The following GLIS2 variants were observed in gnomAD, a reference collection of about 807,000 sequenced individuals.
GLIS2 encodes the protein GLIS family zinc finger 2.
In GLIS2, 14 loss-of-function variants were observed where a neutral mutation model predicts 35.6. The observed-to-expected ratio is 0.39, with a 90% confidence interval of 0.26 to 0.61. GLIS2 has a LOEUF of 0.61. Among genes scored for constraint, GLIS2 ranks in the 20% least tolerant of loss-of-function variants. The pLI, the probability that GLIS2 is intolerant of heterozygous loss-of-function variation, is 0.48. For synonymous variants in GLIS2, 368 were observed against 325.1 expected (o/e 1.13, Z -1.42); for missense variants, 675 against 713.4 (o/e 0.95, Z 0.61).
chr16:4,335,915 G>C lies in GLIS2; in HGVS notation c.775+522G>C, dbSNP rs2053546447. 5.5e-6 allele frequency: 1 copy of C among 183,070 alleles called. No individual in the cohort carries two copies. Among genetic ancestry groups the C allele is most frequent in the African/African-American group, 2.4e-5 (1 of 42,124 alleles). The allele number at this position is 183,070 out of a possible 1,614,324, so 11.3% of individuals were successfully genotyped here. ...TTTCATGACAAAGCCTCAAGGAGCT[G>C]ATGTGTATGTTTTTTCCTGGTGTTT... is the stretch of plus-strand genomic sequence containing the variant. On this transcript the variant is annotated intron_variant, in intron 6 of 6. Coordinates refer to ENST00000433375, the MANE Select transcript of GLIS2 (RefSeq NM_032575.3). The surrounding 1 kb of genome is among the most constrained non-coding windows in gnomAD (Gnocchi z 4.6).
chr16:4,335,181 G>A lies in GLIS2; in HGVS notation c.644G>A (p.Gly215Asp), dbSNP rs771595358. ...GAGGGCTGCGCCCGCCATGGCCGAG[G>A]TTTCAACGCCAGGTGAGGTGGGGGA... ...HWEGCARHGR[G>D]FNARYKMLIH... The change falls in exon 5 of 7, where the codon GGT (glycine) becomes GAT (aspartate). Residue 215 changes from glycine (G) to aspartate (D), a missense_variant. Gly to Asp is a moderately conservative substitution (Grantham distance 94). Coordinates refer to ENST00000433375, the MANE Select transcript of GLIS2 (RefSeq NM_032575.3). This position sits in a 1 kb window ranked among gnomAD's most constrained non-coding sequence, Gnocchi z 4.6. The A allele has an allele frequency of 4.3e-6, 7 of 1,613,538 alleles. No homozygotes were observed. Among genetic ancestry groups the A allele is most frequent in the African/African-American group, 1.3e-5 (1 of 75,054 alleles).
rs933552494 is a variant in GLIS2 at position 4,316,305 on chromosome 16, G to A, written c.-67+51G>A. ...CGTGGGGACCGGGCCGGGGCGGGGG[G>A]GGGGGGGCCCGCCTGTCGCGCCGGG... On this transcript the variant is annotated intron_variant, in intron 1 of 6. Coordinates refer to ENST00000433375, the MANE Select transcript of GLIS2 (RefSeq NM_032575.3). 6.3e-5 allele frequency among the ~76,000 whole-genome samples: 9 copies of A among 143,974 alleles called. No homozygotes were observed. In the East Asian group the frequency reaches 1.5e-3, roughly 24 times the overall value. The allele number at this position is 143,974 out of a possible 152,430, so 94.5% of individuals were successfully genotyped here. A position where few individuals can be genotyped will look rare whatever the true frequency, so the allele number is the denominator to read the frequency against.
chr16:4,315,825 C>G (rs978165653), upstream of GLIS2, among the ~76,000 whole-genome samples: 10 of 150,744 alleles, frequency 6.6e-5, no homozygotes, highest in African/African-American at 2.4e-4. Flanking sequence ...CGCCCCCTCC[C>G]CCGACGCGCA....
At chr16:4,326,347 C>A (rs1017700720) in intron 1 of GLIS2, 1 of 152,258 alleles carries the variant, frequency 6.6e-6, no homozygotes, top group African/African-American at 2.4e-5. Context: ...CCACTGCTGA[C>A]CAAAAGCGCA....
At chr16:4,319,489 G>A (rs925981757) in intron 1 of GLIS2, among the ~76,000 whole-genome samples, 1 of 152,162 alleles carries the variant, frequency 6.6e-6, no homozygotes, top group Non-Finnish European at 1.5e-5. Flanking sequence ...TGTATCTGGG[G>A]GTTCACGTCT....
chr16:4,324,129 C>T (rs907918673), intron 1 of GLIS2, among the ~76,000 whole-genome samples: 18 of 152,312 alleles, frequency 1.2e-4, no homozygotes, highest in African/African-American at 1.4e-4. Context: ...GTTCCCACCC[C>T]GGGAGGGGGT....
intron 1 of GLIS2, among the ~76,000 whole-genome samples, chr16:4,319,771 T>C (rs753753856): frequency 1.3e-5 from 2 of 152,128 alleles, no homozygotes; most frequent in African/African-American, 2.4e-5. Context: ...TGGCAGGGTC[T>C]GCAGGGCACA....
rs1311255338 is a variant in GLIS2, at chr16:4,337,068, C to A, written c.1119C>A (p.Pro373=). The A allele has an allele frequency of 7.8e-6, 12 of 1,545,756 alleles. No individual in the cohort carries two copies. The highest frequency in any genetic ancestry group is 1.0e-5 in the Non-Finnish European group (12 of 1,150,886). The change falls in exon 7 of 7, where the codon CCC becomes CCA. Residue 373 remains proline (P), a synonymous_variant. Transcript: ENST00000433375. ...GGPGLPGLPL[P]LAPGPLDLSA... is the part of the protein sequence containing the mutation. Reference sequence around the variant, plus strand: ...CTGGCCTGCCCGGCTTACCCCTACCCCTGGCCCCCGGCCCCCTTGACCTCA... The same window carrying A: ...CTGGCCTGCCCGGCTTACCCCTACCACTGGCCCCCGGCCCCCTTGACCTCA...
Position 4,335,001 on chromosome 16 carries a change from G to C in GLIS2, c.522+24G>C. On this transcript the variant is annotated intron_variant, in intron 4 of 6. Transcript: ENST00000433375. The surrounding 1 kb of genome is among the most constrained non-coding windows in gnomAD (Gnocchi z 4.6). Reference sequence around the variant, plus strand: ...AGGTGAGTGGGGGCCAGCAAGAGTAGTGTGGAGTCTGGGGCAGGTCACCCC... The same window carrying C: ...AGGTGAGTGGGGGCCAGCAAGAGTACTGTGGAGTCTGGGGCAGGTCACCCC... 1 of 1,613,308 alleles carries C rather than the reference G, an allele frequency of 6.2e-7. No individual in the cohort carries two copies. The highest frequency in any genetic ancestry group is 1.1e-5 in the South Asian group (1 of 91,088).
intron 3 of GLIS2, among the ~76,000 whole-genome samples, chr16:4,334,238 C>CT (rs781643023): frequency 0.03 from 3,574 of 120,336 alleles, 176 homozygotes; most frequent in African/African-American, 0.099. Flanking sequence ...TGTGCCCGGC[C>CT]TTTTTTTTTT....
chr16:4,335,481 T>A lies in GLIS2; in HGVS notation c.775+88T>A. ...CAGGTCCCCAGGGGGAGGGGACTGT[T>A]AAGTAAATCCCGGGCCTCAGAGATA... On this transcript the variant is annotated intron_variant, in intron 6 of 6. Transcript: ENST00000433375. The surrounding 1 kb of genome is among the most constrained non-coding windows in gnomAD (Gnocchi z 4.6). 1.7e-6 allele frequency: 2 copies of A among 1,164,910 alleles called. No homozygotes were observed. Among genetic ancestry groups the A allele is most frequent in the Non-Finnish European group, 2.6e-6 (2 of 780,174 alleles). 72.2% of individuals were successfully genotyped at this position (1,164,910 alleles called of 1,614,324 possible). A position where few individuals can be genotyped will look rare whatever the true frequency, so the allele number is the denominator to read the frequency against.
chr16:4,321,450 T>G (rs1463368928), intron 1 of GLIS2, among the ~76,000 whole-genome samples: 1 of 152,234 alleles, frequency 6.6e-6, no homozygotes, highest in Non-Finnish European at 1.5e-5. Flanking sequence ...AATGAATACA[T>G]GAATGAGACG....
chr16:4,323,279 G>GC (rs2053396423), intron 1 of GLIS2, among the ~76,000 whole-genome samples: 1 of 152,194 alleles, frequency 6.6e-6, no homozygotes, highest in Non-Finnish European at 1.5e-5. Flanking sequence ...AGGGCCCAGT[G>GC]CTCTGGTCCC....
intron 1 of GLIS2, among the ~76,000 whole-genome samples, chr16:4,330,029 C>A (rs1481565009): frequency 6.6e-6 from 1 of 152,146 alleles, no homozygotes; most frequent in Non-Finnish European, 1.5e-5. Flanking sequence ...GTAATCACAG[C>A]ACTTTGGGAG....
rs1028214400 is a variant in GLIS2 at position 4,331,819 on chromosome 16, C to A, written c.-66-396C>A. On this transcript the variant is annotated intron_variant, in intron 1 of 6. Transcript: ENST00000433375. ...TTTTTTTAATTAGCCAGGAGCGGTG[C>A]CTGCCTGTAGTCCCAGCTACCAGGG... is the stretch of plus-strand genomic sequence containing the variant. The A allele has an allele frequency of 7.2e-5, 17 of 235,722 alleles. No homozygotes were observed. In the East Asian group the frequency reaches 1.5e-3, roughly 20 times the overall value. 14.6% of individuals were successfully genotyped at this position (235,722 alleles called of 1,614,324 possible).
In GLIS2 at chr16:4,337,625, C is replaced by T. The variant is rs868284093; in HGVS notation, c.*101C>T. Reference sequence around the variant, plus strand: ...GAAATAGCAATAATGTCCTACTGCCCGGGCAGCCCCAGCCCAGCCCGCCGG... The same window carrying T: ...GAAATAGCAATAATGTCCTACTGCCTGGGCAGCCCCAGCCCAGCCCGCCGG... On this transcript the variant is annotated 3_prime_UTR_variant, in exon 7 of 7. Transcript: ENST00000433375. 6.0e-6 allele frequency: 9 copies of T among 1,496,962 alleles called. No individual in the cohort carries two copies. Among genetic ancestry groups the T allele is most frequent in the Middle Eastern group, 2.3e-4 (1 of 4,422 alleles). 92.7% of individuals were successfully genotyped at this position (1,496,962 alleles called of 1,614,324 possible). A position where few individuals can be genotyped will look rare whatever the true frequency, so the allele number is the denominator to read the frequency against.
chr16:4,325,031 G>T (rs2053415876), intron 1 of GLIS2, among the ~76,000 whole-genome samples: 1 of 152,202 alleles, frequency 6.6e-6, no homozygotes, highest in Non-Finnish European at 1.5e-5. Context: ...CCAGAGCAGG[G>T]AGCCGCAGCT....
rs750314209 is a variant in GLIS2, at chr16:4,333,388, C to G, written c.214C>G (p.Arg72Gly). 1 of 1,613,100 alleles carries G rather than the reference C, an allele frequency of 6.2e-7. No homozygotes were observed. Among genetic ancestry groups the G allele is most frequent in the Non-Finnish European group, 8.5e-7 (1 of 1,180,006 alleles). The change falls in exon 3 of 7, where the codon CGC (arginine) becomes GGC (glycine). Residue 72 changes from arginine to glycine, a missense_variant. Arg to Gly is a moderately radical substitution (Grantham distance 125, BLOSUM62 -2). Coordinates refer to ENST00000433375, the MANE Select transcript of GLIS2 (RefSeq NM_032575.3). ...NSKFPEKVEGRFSAAPLVDLS... is the reference protein window; with the variant it reads ...NSKFPEKVEGGFSAAPLVDLS... Reference sequence around the variant, plus strand: ...CAAGTTCCCCGAGAAGGTGGAGGGACGCTTTTCAGCAGCCCCTCTCGTGGA... The same window carrying G: ...CAAGTTCCCCGAGAAGGTGGAGGGAGGCTTTTCAGCAGCCCCTCTCGTGGA...
chr16:4,338,804 G>T lies in GLIS2; in HGVS notation c.*1280G>T, dbSNP rs2053590612. 2 of 152,306 alleles carry T rather than the reference G, an allele frequency of 1.3e-5. No individual in the cohort carries two copies. The highest frequency in any genetic ancestry group is 2.9e-5 in the Non-Finnish European group (2 of 68,078). 9.4% of individuals were successfully genotyped at this position (152,306 alleles called of 1,614,324 possible). A position where few individuals can be genotyped will look rare whatever the true frequency, so the allele number is the denominator to read the frequency against. The stretch of plus-strand genomic sequence containing the variant: ...TAAGGGTGGTGCTGGAGGGCCTTGT[G>T]CCCCAGTCCCATCCCAGGACGCCCT... On this transcript the variant is annotated 3_prime_UTR_variant, in exon 7 of 7. Transcript: ENST00000433375.
Sources: allele counts gnomAD v4.1 joint callset (sites outside exome capture counted in the v4.1 genomes callset), GRCh38; gene constraint gnomAD v4.1.1; non-coding constraint Gnocchi (gnomAD v3.1); transcripts MANE v1.5; gene names NCBI Gene and HGNC (gene_info 2026-07-23, HGNC 2026-07-21).